The following CHD1L variants were observed in gnomAD, a reference collection of about 807,000 sequenced individuals.
CHD1L encodes the protein chromodomain helicase DNA binding protein 1 like, also known as ATP-dependent chromatin remodeler CHD1L.
A neutral mutation model predicts 115.9 loss-of-function variants in CHD1L; 118 were observed. The observed-to-expected ratio is 1.02, with a 90% confidence interval of 0.88 to 1.19. The LOEUF (loss-of-function observed/expected upper bound fraction) is 1.19, where lower values mean the gene tolerates loss of function less well. Among genes scored for constraint, CHD1L ranks in the 50% most tolerant of loss-of-function variants. The pLI is 0.00. For missense variants in CHD1L, 1,179 were observed against 1,065.3 expected, an observed-to-expected ratio of 1.11 and a Z score of -1.49; for synonymous variants, 411 against 387.1, an observed-to-expected ratio of 1.06 and a Z score of -0.72.
chr1:147,176,633 A>T, the CHD1L span, among the ~76,000 whole-genome samples: 1 of 152,188 alleles, frequency 6.6e-6, no homozygotes, highest in Non-Finnish European at 1.5e-5. Flanking sequence ...TGATACTGTG[A>T]CTAAATATTC....
intron 1 of CHD1L, among the ~76,000 whole-genome samples, chr1:147,243,262 A>G (rs1393809752): frequency 6.6e-6 from 1 of 152,090 alleles, no homozygotes; most frequent in East Asian, 1.9e-4. Flanking sequence ...TCCCAGCTTC[A>G]GCTTCTCCGT....
At chr1:147,293,003 G>A (rs1474710936) in intron 20 of CHD1L, among the ~76,000 whole-genome samples, 1 of 152,168 alleles carries the variant, frequency 6.6e-6, no homozygotes, top group African/African-American at 2.4e-5. Flanking sequence ...AAGGAGAAAA[G>A]TAAAGTGTCT....
the CHD1L span, among the ~76,000 whole-genome samples, chr1:147,218,270 T>C: frequency 6.7e-6 from 1 of 148,538 alleles, no homozygotes; most frequent in Non-Finnish European, 1.5e-5. Context: ...GGAGTCTCAC[T>C]CTGTCGCCAG....
At chr1:147,204,925 A>G in the CHD1L span, 1 of 1,563,062 alleles carries the variant, frequency 6.4e-7, no homozygotes, top group Non-Finnish European at 8.8e-7. Flanking sequence ...GGGAACTTGA[A>G]GCGCCATGGC....
the CHD1L span, chr1:147,178,018 A>G: frequency 1.6e-6 from 1 of 611,940 alleles, no homozygotes; most frequent in South Asian, 2.2e-5. Flanking sequence ...AAACTAAATT[A>G]GTAGAAAAGT....
At chr1:147,288,988 C>T (rs1302401502) in intron 19 of CHD1L, among the ~76,000 whole-genome samples, 1 of 152,152 alleles carries the variant, frequency 6.6e-6, no homozygotes, top group Non-Finnish European at 1.5e-5. Flanking sequence ...GAGAAGGGCC[C>T]TCCAGATTCC....
intron 15 of CHD1L, among the ~76,000 whole-genome samples, chr1:147,280,419 T>C (rs1264131164): frequency 1.3e-5 from 2 of 152,214 alleles, no homozygotes; most frequent in Non-Finnish European, 2.9e-5. Context: ...AAAATCATAG[T>C]ATTAATGTTT....
chr1:147,178,213 A>C, the CHD1L span: 3 of 1,613,416 alleles, frequency 1.9e-6, no homozygotes, highest in South Asian at 3.3e-5. Context: ...CAGGGACGAC[A>C]ACTTGGAGAG....
chr1:147,178,654 A>C, the CHD1L span: 1 of 1,578,738 alleles, frequency 6.3e-7, no homozygotes, highest in Non-Finnish European at 8.7e-7. Context: ...CTTGAGGGAT[A>C]ACTACCGATT....
chr1:147,283,729 A>G (rs984370586), intron 15 of CHD1L, among the ~76,000 whole-genome samples: 51 of 152,182 alleles, frequency 3.4e-4, no homozygotes, highest in African/African-American at 1.2e-3. Flanking sequence ...ACCCAATTAT[A>G]TACTGAAAAG....
the CHD1L span, among the ~76,000 whole-genome samples, chr1:147,193,586 T>C: frequency 6.6e-6 from 1 of 152,194 alleles, no homozygotes; most frequent in Non-Finnish European, 1.5e-5. Context: ...CTAGTTCTTT[T>C]AATTGTGATG....
At chr1:147,237,060 C>A in the CHD1L span, among the ~76,000 whole-genome samples, 4 of 152,106 alleles carry the variant, frequency 2.6e-5, no homozygotes, top group Non-Finnish European at 5.9e-5. Context: ...ACCCCCTTGG[C>A]CTCCCTCCCA....
the CHD1L span, among the ~76,000 whole-genome samples, chr1:147,231,931 C>G: frequency 1.3e-4 from 20 of 152,172 alleles, no homozygotes; most frequent in Admixed American, 1.2e-3. Context: ...GCACTGCACC[C>G]ACTGTCCTGC....
chr1:147,224,120 T>G, the CHD1L span: 3 of 338,638 alleles, frequency 8.9e-6, no homozygotes, highest in Non-Finnish European at 1.7e-5. Context: ...TGAGGTAAGA[T>G]TGGGATGTCT....
At chr1:147,220,731 G>T in the CHD1L span, among the ~76,000 whole-genome samples, 1 of 152,120 alleles carries the variant, frequency 6.6e-6, no homozygotes, top group Non-Finnish European at 1.5e-5. Flanking sequence ...AAGGGATCCA[G>T]TGTCAATCTT....
the CHD1L span, among the ~76,000 whole-genome samples, chr1:147,231,390 G>C: frequency 2.0e-5 from 3 of 152,062 alleles, no homozygotes; most frequent in Admixed American, 1.3e-4. Context: ...TATAATTTCT[G>C]TTCTTTTACA....
At chr1:147,196,653 A>G in the CHD1L span, among the ~76,000 whole-genome samples, 3 of 152,210 alleles carry the variant, frequency 2.0e-5, no homozygotes, top group Admixed American at 6.5e-5. Flanking sequence ...ACTCTGTGGT[A>G]CAGTTATGTC....
intron 15 of CHD1L, among the ~76,000 whole-genome samples, chr1:147,280,792 G>A (rs1388417491): frequency 8.5e-5 from 13 of 152,056 alleles, no homozygotes; most frequent in Admixed American, 8.5e-4. Flanking sequence ...TTTTCACATG[G>A]TAGCTTTGTA....
At chr1:147,190,624 T>G in the CHD1L span, among the ~76,000 whole-genome samples, 2 of 152,134 alleles carry the variant, frequency 1.3e-5, no homozygotes, top group African/African-American at 4.8e-5. Flanking sequence ...GCTGCACCTG[T>G]ATTCTTGATA....
Sources: allele counts gnomAD v4.1 joint callset (sites outside exome capture counted in the v4.1 genomes callset), GRCh38; gene constraint gnomAD v4.1.1; transcripts MANE v1.5; gene names NCBI Gene and HGNC (gene_info 2026-07-23, HGNC 2026-07-21).